Variants in SPHKAP observed in about 807,000 individuals in gnomAD.
The protein encoded by SPHKAP is SPHK1 interactor, AKAP domain containing, also known as A-kinase anchor protein SPHKAP.
Under a neutral mutation model 137.5 loss-of-function variants are expected in SPHKAP, and 67 were observed. The ratio of observed to expected loss-of-function variants is 0.49; its 90% CI spans 0.40 to 0.60. SPHKAP has a LOEUF of 0.60. Among genes scored for constraint, SPHKAP ranks in the 20% least tolerant of loss-of-function variants. The pLI is 0.00. For missense variants in SPHKAP, 2,097 were observed against 2,069.3 expected, an observed-to-expected ratio of 1.01 and a Z score of -0.26; for synonymous variants, 813 against 785.3, an observed-to-expected ratio of 1.04 and a Z score of -0.59.
chr2:228,006,546 A>C (rs1694145033), intron 7 of SPHKAP, among the ~76,000 whole-genome samples: 1 of 152,106 alleles, frequency 6.6e-6, no homozygotes, highest in South Asian at 2.1e-4. Context: ...ATCTCGTCAA[A>C]GTCATTCTCC....
At chr2:228,023,105 C>T (rs746773910) in intron 5 of SPHKAP, among the ~76,000 whole-genome samples, 2 of 152,192 alleles carry the variant, frequency 1.3e-5, no homozygotes, top group Non-Finnish European at 2.9e-5. Context: ...CCTCATTCTC[C>T]ACTACACATT....
chr2:228,172,512 T>C (rs1202386820), intron 1 of SPHKAP, among the ~76,000 whole-genome samples: 1 of 152,118 alleles, frequency 6.6e-6, no homozygotes, highest in Non-Finnish European at 1.5e-5. Flanking sequence ...TCTTTGGAAG[T>C]CTAGAGCAAA....
At chr2:227,992,190 T>G (rs1254390022) in intron 9 of SPHKAP, among the ~76,000 whole-genome samples, 1 of 152,202 alleles carries the variant, frequency 6.6e-6, no homozygotes, top group Non-Finnish European at 1.5e-5. Flanking sequence ...CAAAAATGTG[T>G]TGTTTGACGA....
At chr2:228,030,513 C>CAAAAA (rs11287311) in intron 3 of SPHKAP, among the ~76,000 whole-genome samples, 13 of 48,716 alleles carry the variant, frequency 2.7e-4, no homozygotes, top group African/African-American at 3.0e-4. Context: ...GATACCATCT[C>CAAAAA]AAAAAAAAAA....
intron 3 of SPHKAP, among the ~76,000 whole-genome samples, chr2:228,077,053 G>A (rs539684916): frequency 1.9e-4 from 29 of 152,314 alleles, no homozygotes; most frequent in African/African-American, 6.7e-4. Flanking sequence ...TGCTTCAGAG[G>A]GTGCAAGCCT....
At chr2:228,130,027 C>T (rs1407582369) in intron 2 of SPHKAP, among the ~76,000 whole-genome samples, 1 of 152,050 alleles carries the variant, frequency 6.6e-6, no homozygotes, top group African/African-American at 2.4e-5. Flanking sequence ...AACTCCTGAC[C>T]TCAGGTGATC....
At chr2:228,055,995 G>C (rs1316313480) in intron 3 of SPHKAP, among the ~76,000 whole-genome samples, 1 of 152,192 alleles carries the variant, frequency 6.6e-6, no homozygotes, top group Non-Finnish European at 1.5e-5. Flanking sequence ...GTGCGCAACA[G>C]ATCCTTGCTC....
At chr2:228,031,561 A>G (rs953107803) in intron 3 of SPHKAP, among the ~76,000 whole-genome samples, 3 of 152,228 alleles carry the variant, frequency 2.0e-5, no homozygotes, top group African/African-American at 7.2e-5. Context: ...GAATGGGCAG[A>G]CTGCCTCCTT....
At chr2:228,063,158 ATCTATCTATCTATCTATCTG>A (rs1284557598) in intron 3 of SPHKAP, among the ~76,000 whole-genome samples, 66 of 140,492 alleles carry the variant, frequency 4.7e-4, no homozygotes, top group African/African-American at 1.9e-3. Context: ...CTATCTATCT[ATCTATCTATCTATCTATCTG>A]TCTGTCTGTC....
rs371967516 is a variant in SPHKAP, at chr2:228,021,858, G to T, written c.550C>A (p.Leu184Met). ...AGGTGGAGCTGTCGCTCCTGCACCA[G>T]TTCCAGACCAATCAGAAATTTGTTG... ...EINKFLIGLELVQERQLHLET... is the reference protein window; with the variant it reads ...EINKFLIGLEMVQERQLHLET... The change falls in exon 6 of 12, where the codon CTG becomes ATG. Residue 184 changes from leucine (L) to methionine (M), a missense_variant. Physicochemically the swap from Leu to Met is conservative, Grantham distance 15. Coordinates refer to ENST00000392056, the MANE Select transcript of SPHKAP (RefSeq NM_001142644.2). The T allele has an allele frequency of 6.2e-7, 1 of 1,614,152 alleles. No individual in the cohort carries two copies. Among genetic ancestry groups the T allele is most frequent in the South Asian group, 1.1e-5 (1 of 91,082 alleles).
intron 2 of SPHKAP, among the ~76,000 whole-genome samples, chr2:228,127,419 T>C (rs1303798387): frequency 2.6e-5 from 4 of 152,180 alleles, no homozygotes; most frequent in Non-Finnish European, 5.9e-5. Flanking sequence ...GAACTACTCT[T>C]TTGAAGAGAA....
Position 227,995,705 on chromosome 2 carries a change from C to A in SPHKAP, c.4449-11G>T. ...GTATCAAGGCTGTCACTGTAGAGGG[C>A]AAGATATTATTACCAAGAGAGGCAG... is the stretch of plus-strand genomic sequence containing the variant. On this transcript the variant is annotated splice_polypyrimidine_tract_variant and intron_variant, in intron 7 of 11. Coordinates refer to ENST00000392056, the MANE Select transcript of SPHKAP (RefSeq NM_001142644.2). 6.4e-7 allele frequency: 1 copy of A among 1,560,800 alleles called. No individual in the cohort carries two copies.
intron 3 of SPHKAP, among the ~76,000 whole-genome samples, chr2:228,066,084 T>C (rs1696819749): frequency 6.6e-6 from 1 of 152,162 alleles, no homozygotes; most frequent in Non-Finnish European, 1.5e-5. Context: ...TGGTTCATGG[T>C]GGAATTTAAT....
chr2:227,980,133 T>C lies in SPHKAP; in HGVS notation c.*1584A>G, dbSNP rs1285743072. On this transcript the variant is annotated 3_prime_UTR_variant, in exon 12 of 12. Transcript: ENST00000392056. ...TAAAAAATAAGTGTATTCTATTCCA[T>C]TTGATAGCACAAAGAAGCACATTTC... is the stretch of plus-strand genomic sequence containing the variant. 1 of 152,680 alleles carries C rather than the reference T, an allele frequency of 6.5e-6. No individual in the cohort carries two copies. The allele number at this position is 152,680 out of a possible 1,614,324, so 9.5% of individuals were successfully genotyped here. A position where few individuals can be genotyped will look rare whatever the true frequency, so the allele number is the denominator to read the frequency against.
At chr2:228,070,304 A>G (rs1696964691) in intron 3 of SPHKAP, among the ~76,000 whole-genome samples, 1 of 152,182 alleles carries the variant, frequency 6.6e-6, no homozygotes, top group South Asian at 2.1e-4. Flanking sequence ...AGGAGGAGGA[A>G]GAGGAAGTGT....
chr2:228,031,803 A>G (rs1433131035), intron 3 of SPHKAP, among the ~76,000 whole-genome samples: 1 of 152,234 alleles, frequency 6.6e-6, no homozygotes, highest in Non-Finnish European at 1.5e-5. Flanking sequence ...GCAAACTCCA[A>G]CAGACCTGCA....
intron 2 of SPHKAP, among the ~76,000 whole-genome samples, chr2:228,127,620 T>C (rs1164352844): frequency 6.6e-6 from 1 of 152,222 alleles, no homozygotes; most frequent in Admixed American, 6.5e-5. Flanking sequence ...GGGTGTATAT[T>C]CTCTTTCTCA....
rs1379864486 is a variant in SPHKAP at position 228,159,600 on chromosome 2, A to G, written c.32+21967T>C. Among the ~76,000 whole-genome samples the G allele has an allele frequency of 6.6e-5, 10 of 152,326 alleles. 1 individual carries two copies. In the South Asian group the frequency reaches 8.3e-4, roughly 13 times the overall value. On this transcript the variant is annotated intron_variant, in intron 1 of 11. Transcript: ENST00000392056. ...TGAAAAGAGGCTTTTAAAAGGATTT[A>G]TGTCACAAAAGGTTAAAGAAATAAC...
chr2:228,034,933 G>A (rs1260032060), intron 3 of SPHKAP, among the ~76,000 whole-genome samples: 1 of 151,478 alleles, frequency 6.6e-6, no homozygotes, highest in Non-Finnish European at 1.5e-5. Flanking sequence ...CATTCCGGAT[G>A]GGCAAAAACT....
Sources: gnomAD v4.1 joint callset for allele counts (sites outside exome capture counted in the v4.1 genomes callset) on GRCh38, gnomAD v4.1.1 for gene constraint, MANE v1.5 for transcripts, NCBI Gene and HGNC (gene_info 2026-07-23, HGNC 2026-07-21) for gene names.